The following ACYP2 variants were observed in gnomAD, a reference collection of about 807,000 sequenced individuals.
ACYP2 encodes acylphosphatase-2.
ACYP2 carries 12 observed loss-of-function variants against 11.2 expected under a neutral mutation model. The observed-to-expected ratio is 1.08, with a 90% CI of 0.69 to 1.74. ACYP2 has a LOEUF of 1.74. Ranked by LOEUF, ACYP2 falls within the 40% of genes most tolerant of loss-of-function variation. The pLI is 0.00. For synonymous variants in ACYP2, 43 were observed against 32.2 expected (o/e 1.33, Z -1.13); for missense variants, 134 against 101.9 (o/e 1.31, Z -1.35).
chr2:54,171,045 C>T (rs1683201151), intron 6 of ACYP2, among the ~76,000 whole-genome samples: 1 of 152,132 alleles, frequency 6.6e-6, no homozygotes, highest in African/African-American at 2.4e-5. Flanking sequence ...ATTTCATACT[C>T]TTTGGGCTGC....
At chr2:53,996,161 A>G (rs1259032757) in intron 2 of ACYP2, among the ~76,000 whole-genome samples, 1 of 152,106 alleles carries the variant, frequency 6.6e-6, no homozygotes, top group Non-Finnish European at 1.5e-5. Flanking sequence ...AAAGACTCAC[A>G]ATGTACAAAC....
At position 54,255,944 on chromosome 2, in the gene ACYP2, T is replaced by G. The variant is rs750936309; in HGVS notation, c.405-48744T>G. 3 of 1,614,056 alleles carry G rather than the reference T, an allele frequency of 1.9e-6. No individual in the cohort carries two copies. The South Asian group carries it at 3.3e-5, about 18-fold the overall frequency. On this transcript the variant is annotated intron_variant, in intron 6 of 6. Transcript: ENST00000607452. ...CCCGCATCGACCAAGATGTGGAAAG[T>G]ATGGCCACCATCTGCGGGATCCTGG...
At chr2:54,059,551 C>T (rs928407308) in intron 4 of ACYP2, among the ~76,000 whole-genome samples, 15 of 152,250 alleles carry the variant, frequency 9.9e-5, no homozygotes, top group Non-Finnish European at 1.9e-4. Context: ...CCAAATGTTT[C>T]GTTAGATTTT....
intron 4 of ACYP2, among the ~76,000 whole-genome samples, chr2:54,074,950 A>C (rs1677250109): frequency 6.6e-6 from 1 of 152,216 alleles, no homozygotes; most frequent in South Asian, 2.1e-4. Context: ...AGTAACATCC[A>C]GAATGATGCT....
At chr2:54,232,142 T>G (rs1025552060) in intron 6 of ACYP2, among the ~76,000 whole-genome samples, 6 of 152,168 alleles carry the variant, frequency 3.9e-5, no homozygotes, top group Non-Finnish European at 5.9e-5. Flanking sequence ...GGGAATTTTT[T>G]TCATATACAC....
chr2:53,975,686 G>C (rs371128929), intron 2 of ACYP2, among the ~76,000 whole-genome samples: 2 of 152,096 alleles, frequency 1.3e-5, no homozygotes, highest in African/African-American at 4.8e-5. Flanking sequence ...CAAAAAATTA[G>C]CTGGGTGTGG....
At chr2:54,014,786 GTCTT>G (rs1673589053) in intron 2 of ACYP2, among the ~76,000 whole-genome samples, 1 of 151,196 alleles carries the variant, frequency 6.6e-6, no homozygotes, top group South Asian at 2.1e-4. Context: ...TCAAGACAGG[GTCTT>G]GCTCTGTCCC....
intron 6 of ACYP2, among the ~76,000 whole-genome samples, chr2:54,222,549 C>CAAAAA (rs10607204): frequency 3.8e-5 from 4 of 106,506 alleles, no homozygotes; most frequent in Non-Finnish European, 6.0e-5. Context: ...GACTCTGTCT[C>CAAAAA]AAAAAAAAAA....
At chr2:54,099,245 T>G (rs1243086021) in intron 4 of ACYP2, among the ~76,000 whole-genome samples, 1 of 152,238 alleles carries the variant, frequency 6.6e-6, no homozygotes, top group Non-Finnish European at 1.5e-5. Flanking sequence ...ATCAAGCTAA[T>G]TAACGTATGC....
intron 6 of ACYP2, among the ~76,000 whole-genome samples, chr2:54,221,620 A>C (rs1271858210): frequency 6.6e-6 from 1 of 150,550 alleles, no homozygotes; most frequent in Middle Eastern, 3.2e-3. Context: ...TCCCAGGTTC[A>C]AGCGATTCTC....
chr2:54,162,678 T>A (rs1445140355), intron 6 of ACYP2, among the ~76,000 whole-genome samples: 1 of 152,066 alleles, frequency 6.6e-6, no homozygotes. Flanking sequence ...AATTTCCTCC[T>A]GTACAGGCCA....
chr2:54,205,150 C>A (rs1165242590), intron 6 of ACYP2, among the ~76,000 whole-genome samples: 1 of 152,204 alleles, frequency 6.6e-6, no homozygotes, highest in Non-Finnish European at 1.5e-5. Flanking sequence ...TACAAAGTTT[C>A]TTTGCTTTGT....
intron 6 of ACYP2, among the ~76,000 whole-genome samples, chr2:54,278,625 G>C (rs1482564979): frequency 6.6e-6 from 1 of 152,162 alleles, no homozygotes; most frequent in Non-Finnish European, 1.5e-5. Flanking sequence ...TGGCTTTTAT[G>C]ACATAGACAG....
rs28445376 is a variant in ACYP2, at chr2:54,123,295, C to T, written c.278-12158C>T. 2,356 of 398,278 alleles carry T rather than the reference C, an allele frequency of 5.9e-3. 41 individuals carry two copies. Among genetic ancestry groups the T allele is most frequent in the African/African-American group, 0.04 (1,967 of 48,660 alleles). The allele number at this position is 398,278 out of a possible 1,614,324, so 24.7% of individuals were successfully genotyped here. A position where few individuals can be genotyped will look rare whatever the true frequency, so the allele number is the denominator to read the frequency against. The stretch of plus-strand genomic sequence containing the variant: ...AGCTCAGTCATTTAGTTCTACTTGC[C>T]GTACTTCAAGAGGATCTTCACTGCA... On this transcript the variant is annotated intron_variant, in intron 4 of 6. Coordinates refer to ENST00000607452, the MANE Select transcript of ACYP2 (RefSeq NM_001320586.2).
chr2:54,022,232 A>AAGTT (rs764582435), intron 2 of ACYP2, among the ~76,000 whole-genome samples: 1 of 151,444 alleles, frequency 6.6e-6, no homozygotes, highest in Non-Finnish European at 1.5e-5. Flanking sequence ...ATTATTTGAG[A>AAGTT]AGTTGTAGAT....
intron 6 of ACYP2, chr2:54,255,958 G>C (rs752076313): frequency 1.2e-6 from 2 of 1,614,066 alleles, no homozygotes; most frequent in South Asian, 2.2e-5. Flanking sequence ...GCCACCATCT[G>C]CGGGATCCTG....
chr2:54,190,454 T>G (rs2103885643), intron 6 of ACYP2, among the ~76,000 whole-genome samples: 1 of 152,250 alleles, frequency 6.6e-6, no homozygotes, highest in Non-Finnish European at 1.5e-5. Context: ...CTGCTCTTGT[T>G]AAAGTCACTG....
intron 4 of ACYP2, among the ~76,000 whole-genome samples, chr2:54,110,291 A>T (rs1310625775): frequency 6.6e-6 from 1 of 152,138 alleles, no homozygotes; most frequent in African/African-American, 2.4e-5. Flanking sequence ...CAAATATTAT[A>T]TCATAGTACC....
chr2:54,261,535 A>G (rs972053298), intron 6 of ACYP2, among the ~76,000 whole-genome samples: 4 of 152,236 alleles, frequency 2.6e-5, no homozygotes, highest in African/African-American at 4.8e-5. Flanking sequence ...ACAGAAAAAC[A>G]TGATGTTTTA....
Sources: gnomAD v4.1 joint callset for allele counts (sites outside exome capture counted in the v4.1 genomes callset) on GRCh38, gnomAD v4.1.1 for gene constraint, MANE v1.5 for transcripts, NCBI Gene and HGNC (gene_info 2026-07-23, HGNC 2026-07-21) for gene names.